SPTB: variants seen among roughly 807,000 people sequenced by gnomAD.
SPTB encodes spectrin beta chain, erythrocytic.
In SPTB, 45 loss-of-function variants were observed where a neutral mutation model predicts 256.2. That is an observed-to-expected ratio of 0.18 (90% confidence interval 0.14 to 0.23). SPTB has a LOEUF of 0.23. Among genes scored for constraint, SPTB ranks in the 10% least tolerant of loss-of-function variants. The pLI, the probability that SPTB is intolerant of heterozygous loss-of-function variation, is 1.00. For synonymous variants in SPTB, 1,231 were observed against 1,243.1 expected, an observed-to-expected ratio of 0.99 and a Z score of 0.21; for missense variants, 2,715 against 3,040.4, an observed-to-expected ratio of 0.89 and a Z score of 2.52.
In SPTB at chr14:64,767,322, T is replaced by C; in HGVS notation, c.6250A>G (p.Arg2084Gly). 6.2e-7 allele frequency: 1 copy of C among 1,614,108 alleles called. No homozygotes were observed. Among genetic ancestry groups the C allele is most frequent in the Non-Finnish European group, 8.5e-7 (1 of 1,180,024 alleles). ...LELKERQIAE[R>G]PAEETGPQEE... ...ACTCACCCAGTCTCCTCTGCGGGTC[T>C]CTCTGCAATCTGGCGTTCTTTCAGC... is the stretch of plus-strand genomic sequence containing the variant. Residue 2084 changes from arginine to glycine, a missense_variant, in exon 31 of 36, where the codon AGA becomes GGA. Physicochemically the swap from Arg to Gly is moderately radical, Grantham distance 125. This residue lies in a region of SPTB where 2,239 missense variants were observed against 2,384.4 expected (regional missense o/e 0.94). Transcript: ENST00000644917.
intron 1 of SPTB, among the ~76,000 whole-genome samples, chr14:64,860,351 T>C (rs1454722586): frequency 6.6e-6 from 1 of 152,224 alleles, no homozygotes; most frequent in Non-Finnish European, 1.5e-5. Context: ...CAGAACATCC[T>C]GGTGCCCCAG....
At chr14:64,829,718 A>G (rs2083423581) in intron 1 of SPTB, among the ~76,000 whole-genome samples, 1 of 152,172 alleles carries the variant, frequency 6.6e-6, no homozygotes, top group Admixed American at 6.5e-5. Context: ...TATAATAAAA[A>G]CTTTGATAAA....
At chr14:64,820,233 C>T (rs2083264192) in intron 2 of SPTB, among the ~76,000 whole-genome samples, 1 of 152,184 alleles carries the variant, frequency 6.6e-6, no homozygotes, top group Non-Finnish European at 1.5e-5. Flanking sequence ...AAAGACACCC[C>T]TGCCTAGGCT....
At chr14:64,753,886 C>T (rs2081986574) in intron 32 of SPTB, 93 bp from the exon 33 acceptor site, 2 of 1,522,556 alleles carry the variant, frequency 1.3e-6, no homozygotes, top group Non-Finnish European at 1.8e-6. Flanking sequence ...CAGCCACCCT[C>T]TCCACACCCC....
At chr14:64,829,064 A>G (rs1330407366) in intron 1 of SPTB, among the ~76,000 whole-genome samples, 3 of 152,188 alleles carry the variant, frequency 2.0e-5, no homozygotes, top group Non-Finnish European at 4.4e-5. Context: ...TCTTAGTATC[A>G]CCAAGAACAG....
chr14:64,876,058 T>C (rs1882808930), intron 1 of SPTB, among the ~76,000 whole-genome samples: 1 of 152,156 alleles, frequency 6.6e-6, no homozygotes, highest in East Asian at 1.9e-4. Flanking sequence ...TCTAACTCCC[T>C]GGCTCAAGCA....
intron 1 of SPTB, among the ~76,000 whole-genome samples, chr14:64,829,224 T>A (rs2083414705): frequency 6.6e-6 from 1 of 152,128 alleles, no homozygotes; most frequent in Non-Finnish European, 1.5e-5. Context: ...GAAATCAAGA[T>A]AAATAACAAC....
Position 64,792,410 on chromosome 14 carries a change from C to T in SPTB, c.2667-554G>A, listed in dbSNP as rs1348397305. Among the ~76,000 whole-genome samples, 3 of 152,196 alleles carry T rather than the reference C, an allele frequency of 2.0e-5. No homozygotes were observed. The highest frequency in any genetic ancestry group is 4.4e-5 in the Non-Finnish European group (3 of 68,040). ...GGACTCTCCAGCATCAGTGCAGCACCACCTTGGCACTGTTCCAGAGAGCGG... is the reference window on the plus strand; with the variant it reads ...GGACTCTCCAGCATCAGTGCAGCACTACCTTGGCACTGTTCCAGAGAGCGG... On this transcript the variant is annotated intron_variant, in intron 14 of 35. Transcript: ENST00000644917. This position sits in a 1 kb window ranked among gnomAD's most constrained non-coding sequence, Gnocchi z 4.2.
At chr14:64,859,924 GT>G (rs1385574905) in intron 1 of SPTB, among the ~76,000 whole-genome samples, 1 of 151,980 alleles carries the variant, frequency 6.6e-6, no homozygotes, top group African/African-American at 2.4e-5. Flanking sequence ...AAAATTAAGT[GT>G]TTCTGAAAAG....
At chr14:64,872,166 G>T (rs72625642) in intron 1 of SPTB, among the ~76,000 whole-genome samples, 8,318 of 152,140 alleles carry the variant, frequency 0.055, 290 homozygotes, top group Middle Eastern at 0.088. Context: ...AATAGCCCAT[G>T]GTACATTTGA....
chr14:64,807,567 T>C lies in SPTB; in HGVS notation c.149-2477A>G, dbSNP rs551005315. ...CAGAATCCCCAGAGCCCCAAAACGC[T>C]TTGCAATGTTGAGACACAGAAAGAT... On this transcript the variant is annotated intron_variant, in intron 2 of 35. Transcript: ENST00000644917. The surrounding 1 kb of genome is among the most constrained non-coding windows in gnomAD (Gnocchi z 4.7). Among the ~76,000 whole-genome samples, 2 of 152,314 alleles carry C rather than the reference T, an allele frequency of 1.3e-5. No homozygotes were observed. The highest frequency in any genetic ancestry group is 4.8e-5 in the African/African-American group (2 of 41,566).
chr14:64,767,156 G>A, intron 31 of SPTB, 147 bp downstream of exon 31: 1 of 1,076,886 alleles, frequency 9.3e-7, no homozygotes, highest in South Asian at 1.3e-5. Flanking sequence ...CTGCGCTCAT[G>A]CTCAGGCACT....
rs1419317832 is a variant in SPTB at position 64,793,197 on chromosome 14, C to G, written c.2466G>C (p.Arg822=). ...EFRDSPDVTH[R]LQALRELYQQ... is the part of the protein sequence containing the mutation. ...GGTAGAGCTCCCGCAGGGCCTGCAG[C>G]CGATGGGTCACATCTGGGGAATCCC... Residue 822 remains arginine, a synonymous_variant, in exon 14 of 36, where the codon CGG becomes CGC. Coordinates refer to ENST00000644917, the MANE Select transcript of SPTB (RefSeq NM_001355436.2). This position sits in a 1 kb window ranked among gnomAD's most constrained non-coding sequence, Gnocchi z 7.0. 6.2e-7 allele frequency: 1 copy of G among 1,612,960 alleles called. No individual in the cohort carries two copies. The highest frequency in any genetic ancestry group is 1.1e-5 in the South Asian group (1 of 91,088).
At chr14:64,797,351 T>C (rs2082790124) in intron 10 of SPTB, among the ~76,000 whole-genome samples, 1 of 151,296 alleles carries the variant, frequency 6.6e-6, no homozygotes, top group African/African-American at 2.4e-5. Context: ...ATGCCTGTAG[T>C]CCCAGCTACT....
rs1454001715 is a variant in SPTB, at chr14:64,779,684, G to A, written c.4473+41C>T. The A allele has an allele frequency of 1.9e-6, 3 of 1,612,168 alleles. No individual in the cohort carries two copies. The highest frequency in any genetic ancestry group is 1.1e-5 in the South Asian group (1 of 91,006). On this transcript the variant is annotated intron_variant, in intron 21 of 35. Transcript: ENST00000644917. The surrounding 1 kb of genome is among the most constrained non-coding windows in gnomAD (Gnocchi z 4.2). ...CCAGCTACTCTGATGGCAGCTGGTG[G>A]CTCAGCCTCAGGAGGTAGGGAGAAG...
chr14:64,765,820 GAGTGTGTGTGTGT>G (rs2082163329), intron 32 of SPTB, among the ~76,000 whole-genome samples: 2 of 142,400 alleles, frequency 1.4e-5, no homozygotes, highest in African/African-American at 5.6e-5. Context: ...GTGTGTGTGT[GAGTGTGTGTGTGT>G]GTGGGGGTGT....
intron 29 of SPTB, 88 bp from the exon 30 acceptor site, chr14:64,767,947 A>C: frequency 1.3e-6 from 2 of 1,498,560 alleles, no homozygotes; most frequent in Non-Finnish European, 1.8e-6. Flanking sequence ...GCCAGTGGTC[A>C]GGCAGGTGGC....
chr14:64,792,434 G>A lies in SPTB; in HGVS notation c.2666+563C>T, dbSNP rs1418516567. 6.6e-6 allele frequency among the ~76,000 whole-genome samples: 1 copy of A among 152,154 alleles called. No individual in the cohort carries two copies. Among genetic ancestry groups the A allele is most frequent in the African/African-American group, 2.4e-5 (1 of 41,424 alleles). On this transcript the variant is annotated intron_variant, in intron 14 of 35. Transcript: ENST00000644917. This position sits in a 1 kb window ranked among gnomAD's most constrained non-coding sequence, Gnocchi z 4.2. The stretch of plus-strand genomic sequence containing the variant: ...CCACCTTGGCACTGTTCCAGAGAGC[G>A]GCCTCTCCTTCTCCTGACTGCCTGA...
intron 15 of SPTB, 62 bp from the exon 16 acceptor site, chr14:64,787,222 T>C: frequency 8.2e-6 from 13 of 1,589,700 alleles, no homozygotes; most frequent in South Asian, 1.1e-5. Flanking sequence ...CTTCTTCCCA[T>C]AGGAGACCCT....
Sources: gnomAD v4.1 joint callset for allele counts (sites outside exome capture counted in the v4.1 genomes callset) on GRCh38, gnomAD v4.1.1 for gene constraint, gnomAD v4.1.1 regional missense constraint, Gnocchi (gnomAD v3.1) non-coding constraint, MANE v1.5 for transcripts, NCBI Gene and HGNC (gene_info 2026-07-23, HGNC 2026-07-21) for gene names.